RASGEF1C: variants seen among roughly 807,000 people sequenced by gnomAD.
The protein encoded by RASGEF1C is ras-GEF domain-containing family member 1C.
In RASGEF1C, 27 loss-of-function variants were observed where a neutral mutation model predicts 58.1. The observed-to-expected ratio is 0.46, with a 90% CI of 0.34 to 0.64. RASGEF1C has a LOEUF of 0.64. RASGEF1C is among the 30% of genes least tolerant of loss of function. The pLI is 0.01. For missense variants in RASGEF1C, 502 were observed against 605.1 expected (o/e 0.83, Z 1.79); for synonymous variants, 243 against 246.3 (o/e 0.99, Z 0.13).
chr5:180,112,376 C>G (rs1000517549), intron 11 of RASGEF1C, among the ~76,000 whole-genome samples: 2 of 152,206 alleles, frequency 1.3e-5, no homozygotes, highest in Non-Finnish European at 2.9e-5. Context: ...CAGGCCCAAG[C>G]GTCTGGCCAT....
At chr5:180,178,732 G>A (rs979953268) in intron 1 of RASGEF1C, among the ~76,000 whole-genome samples, 3 of 152,168 alleles carry the variant, frequency 2.0e-5, no homozygotes, top group Non-Finnish European at 4.4e-5. Flanking sequence ...GGCTTTCCAC[G>A]CAGCAGACCA....
In RASGEF1C at chr5:180,119,400, C is replaced by T. The variant is rs771855725; in HGVS notation, c.853G>A (p.Val285Met). 5.0e-6 allele frequency: 8 copies of T among 1,614,186 alleles called. No homozygotes were observed. The highest frequency in any genetic ancestry group is 2.2e-5 in the South Asian group (2 of 91,082). Residue 285 changes from valine to methionine, a missense_variant, in exon 8 of 14, where the codon GTG (valine) becomes ATG (methionine). Val to Met is a conservative substitution (Grantham distance 21). Transcript: ENST00000361132. ...CCGATGTTGAAGCACTCGCGGGCCA[C>T]GTCGATGAAGAACTCAATCACCTGG... Reference protein sequence around the residue: ...RAQVIEFFIDVARECFNIGNF... With the variant: ...RAQVIEFFIDMARECFNIGNF...
chr5:180,167,328 C>A (rs1767038434), intron 1 of RASGEF1C, among the ~76,000 whole-genome samples: 1 of 152,006 alleles, frequency 6.6e-6, no homozygotes, highest in South Asian at 2.1e-4. Flanking sequence ...CTGATCCTTT[C>A]CCCTGTCATC....
intron 3 of RASGEF1C, 86 bp from the exon 4 acceptor site, chr5:180,136,601 C>A: frequency 1.4e-6 from 2 of 1,442,490 alleles, no homozygotes; most frequent in Non-Finnish European, 1.9e-6. Flanking sequence ...GGTCTGGCCG[C>A]CCGGGGCAGG....
chr5:180,156,639 G>T lies in RASGEF1C; in HGVS notation c.-6-18581C>A, dbSNP rs2113297180. 6.6e-6 allele frequency among the ~76,000 whole-genome samples: 1 copy of T among 152,104 alleles called. No homozygotes were observed. Among genetic ancestry groups the T allele is most frequent in the South Asian group, 2.1e-4 (1 of 4,802 alleles). ...ACTAAAAAATTAGCTGGGCATGGTG[G>T]CGTGCATCTGCAGTCCCAGCTACTT... On this transcript the variant is annotated intron_variant, in intron 1 of 13. Coordinates refer to ENST00000361132, the MANE Select transcript of RASGEF1C (RefSeq NM_175062.4). This position sits in a 1 kb window ranked among gnomAD's most constrained non-coding sequence, Gnocchi z 4.9.
intron 1 of RASGEF1C, among the ~76,000 whole-genome samples, chr5:180,182,389 C>A (rs1767359034): frequency 6.6e-6 from 1 of 151,842 alleles, no homozygotes; most frequent in Non-Finnish European, 1.5e-5. Flanking sequence ...GTGGCGCGGA[C>A]CCAAACAGTG....
chr5:180,181,620 T>C (rs1767328143), intron 1 of RASGEF1C, among the ~76,000 whole-genome samples: 1 of 152,204 alleles, frequency 6.6e-6, no homozygotes, highest in South Asian at 2.1e-4. Context: ...AGAAGATTTC[T>C]AACAAGCCGC....
Position 180,188,241 on chromosome 5 carries a change from G to A in RASGEF1C, c.-7+20787C>T, listed in dbSNP as rs183807715. On this transcript the variant is annotated intron_variant, in intron 1 of 13. Coordinates refer to ENST00000361132, the MANE Select transcript of RASGEF1C (RefSeq NM_175062.4). The stretch of plus-strand genomic sequence containing the variant: ...AGCCGCTTGACACGAAAGGCCACAA[G>A]CCACAGGATTCCATTTATATGAAAT... Among the ~76,000 whole-genome samples the A allele has an allele frequency of 2.0e-3, 299 of 152,326 alleles. 1 individual carries two copies. The highest frequency in any genetic ancestry group is 6.7e-3 in the African/African-American group (279 of 41,574).
At chr5:180,110,119 G>A (rs756084766) in intron 12 of RASGEF1C, among the ~76,000 whole-genome samples, 4 of 152,084 alleles carry the variant, frequency 2.6e-5, no homozygotes, top group Middle Eastern at 3.2e-3. Flanking sequence ...TCTCCCCGGG[G>A]CCCTGGGGAG....
intron 1 of RASGEF1C, among the ~76,000 whole-genome samples, chr5:180,199,359 C>T (rs1048649690): frequency 3.9e-5 from 6 of 152,154 alleles, no homozygotes; most frequent in Non-Finnish European, 7.3e-5. Context: ...ACATCCAAGC[C>T]TTCATCACTG....
intron 1 of RASGEF1C, among the ~76,000 whole-genome samples, chr5:180,191,912 A>T (rs1462002703): frequency 6.6e-6 from 1 of 152,144 alleles, no homozygotes; most frequent in Non-Finnish European, 1.5e-5. Context: ...TAGCCTGGGC[A>T]TCCTCTTCCA....
At chr5:180,121,683 C>CACACACACACACA (rs1766180061) in intron 6 of RASGEF1C, among the ~76,000 whole-genome samples, 1 of 120,620 alleles carries the variant, frequency 8.3e-6, no homozygotes, top group Non-Finnish European at 1.8e-5. Context: ...ACACACACAC[C>CACACACACACACA]CTCATTATTC....
At chr5:180,126,430 C>T (rs904057223) in intron 6 of RASGEF1C, among the ~76,000 whole-genome samples, 1 of 152,070 alleles carries the variant, frequency 6.6e-6, no homozygotes, top group Non-Finnish European at 1.5e-5. Flanking sequence ...AATCTCCCTC[C>T]CGTTCCTGCC....
chr5:180,178,749 A>T (rs946369415), intron 1 of RASGEF1C, among the ~76,000 whole-genome samples: 3 of 152,138 alleles, frequency 2.0e-5, no homozygotes, highest in Non-Finnish European at 4.4e-5. Flanking sequence ...ACCACGGCGC[A>T]GATGTGGGCG....
At chr5:180,199,611 T>C (rs1020928346) in intron 1 of RASGEF1C, among the ~76,000 whole-genome samples, 27 of 152,116 alleles carry the variant, frequency 1.8e-4, no homozygotes, top group African/African-American at 6.5e-4. Flanking sequence ...CTGGTAACAG[T>C]GGTGTCAGCT....
intron 1 of RASGEF1C, among the ~76,000 whole-genome samples, chr5:180,196,302 C>T (rs1756276021): frequency 6.6e-6 from 1 of 152,108 alleles, no homozygotes; most frequent in East Asian, 1.9e-4. Flanking sequence ...GAGTTCAAGA[C>T]CAGCCTGGCC....
chr5:180,186,101 G>GA (rs35778456), intron 1 of RASGEF1C, among the ~76,000 whole-genome samples: 2,112 of 81,092 alleles, frequency 0.026, 35 homozygotes, highest in Non-Finnish European at 0.035. Context: ...TATCTCCACA[G>GA]AAAAAAAAAA....
intron 1 of RASGEF1C, among the ~76,000 whole-genome samples, chr5:180,176,585 C>T (rs1286595276): frequency 6.9e-6 from 1 of 143,892 alleles, no homozygotes; most frequent in Non-Finnish European, 1.5e-5. Context: ...GAGATGGAGT[C>T]TTGCTCTGTC....
chr5:180,180,388 G>A (rs13153506), intron 1 of RASGEF1C, among the ~76,000 whole-genome samples: 74,817 of 152,112 alleles, frequency 0.49, 18,891 homozygotes, highest in East Asian at 0.65. Flanking sequence ...TTTGAGACGA[G>A]CTCCACGACC....
Sources: gnomAD v4.1 joint callset for allele counts (sites outside exome capture counted in the v4.1 genomes callset) on GRCh38, gnomAD v4.1.1 for gene constraint, Gnocchi (gnomAD v3.1) non-coding constraint, MANE v1.5 for transcripts, NCBI Gene and HGNC (gene_info 2026-07-23, HGNC 2026-07-21) for gene names.